Variants in LPAR1 observed in about 807,000 individuals in gnomAD.
LPAR1 encodes the protein LPA receptor 1.
Under a neutral mutation model 23.8 loss-of-function variants are expected in LPAR1, and 5 were observed. The observed-to-expected ratio is 0.21, with a 90% confidence interval of 0.11 to 0.44. The LOEUF (loss-of-function observed/expected upper bound fraction) is 0.44, where lower values mean the gene tolerates loss of function less well. Among genes scored for constraint, LPAR1 ranks in the 20% least tolerant of loss-of-function variants. The pLI, the probability that LPAR1 is intolerant of heterozygous loss-of-function variation, is 0.99. For missense variants in LPAR1, 311 were observed against 482.8 expected, an observed-to-expected ratio of 0.64 and a Z score of 3.33; for synonymous variants, 160 against 164.7, an observed-to-expected ratio of 0.97 and a Z score of 0.22.
rs2091999772 is a variant in LPAR1 at position 110,909,320 on chromosome 9, T to C, written c.793+32101A>G. 2.0e-5 allele frequency among the ~76,000 whole-genome samples: 3 copies of C among 152,062 alleles called. No homozygotes were observed. The South Asian group carries it at 6.2e-4, about 32-fold the overall frequency. On this transcript the variant is annotated intron_variant, in intron 5 of 5. Coordinates refer to ENST00000683809, the MANE Select transcript of LPAR1 (RefSeq NM_001351411.2). ...CGGGTGTTTCAGTAACAGTATAAGT[T>C]ACATGATCCTAGCACCTTCTTGTAC...
At chr9:110,998,533 T>G (rs960909767) in intron 2 of LPAR1, among the ~76,000 whole-genome samples, 4 of 152,120 alleles carry the variant, frequency 2.6e-5, no homozygotes, top group Non-Finnish European at 4.4e-5. Flanking sequence ...ACATTAAAAA[T>G]ACACACACAT....
At chr9:111,012,691 G>C (rs1167807890) in intron 2 of LPAR1, among the ~76,000 whole-genome samples, 1 of 152,078 alleles carries the variant, frequency 6.6e-6, no homozygotes, top group African/African-American at 2.4e-5. Flanking sequence ...GGGGCTGATG[G>C]GGCAAAATAA....
chr9:110,991,624 T>TTGTTGTTGTTG (rs1564275750), intron 2 of LPAR1, among the ~76,000 whole-genome samples: 1 of 148,674 alleles, frequency 6.7e-6, no homozygotes, highest in African/African-American at 2.5e-5. Context: ...TGTTGTTGTT[T>TTGTTGTTGTTG]TTTGGGACAG....
intron 5 of LPAR1, among the ~76,000 whole-genome samples, chr9:110,891,375 T>G (rs2084119475): frequency 6.6e-6 from 1 of 152,192 alleles, no homozygotes; most frequent in Non-Finnish European, 1.5e-5. Flanking sequence ...AAGGGGAAGA[T>G]TCAATACTTT....
At chr9:110,960,706 G>T (rs137938589) in intron 4 of LPAR1, among the ~76,000 whole-genome samples, 5 of 152,268 alleles carry the variant, frequency 3.3e-5, no homozygotes, top group Admixed American at 3.3e-4. Context: ...GAAGAAATGG[G>T]AGGGAATGTT....
chr9:110,888,255 C>T (rs988534961), intron 5 of LPAR1, among the ~76,000 whole-genome samples: 1 of 152,084 alleles, frequency 6.6e-6, no homozygotes, highest in African/African-American at 2.4e-5. Context: ...GTGTCATATT[C>T]GAAGCAAAAG....
chr9:110,899,565 G>T (rs1219466898), intron 5 of LPAR1, among the ~76,000 whole-genome samples: 3 of 152,246 alleles, frequency 2.0e-5, no homozygotes, highest in East Asian at 3.9e-4. Context: ...AAATGATAGG[G>T]AGAGGAAGAA....
At chr9:110,916,822 A>G (rs576561943) in intron 5 of LPAR1, among the ~76,000 whole-genome samples, 1 of 152,298 alleles carries the variant, frequency 6.6e-6, no homozygotes, top group African/African-American at 2.4e-5. Context: ...AACAAAGATA[A>G]TATTTTTTAA....
chr9:110,902,247 T>C (rs555412211), intron 5 of LPAR1, among the ~76,000 whole-genome samples: 27 of 151,912 alleles, frequency 1.8e-4, no homozygotes, highest in African/African-American at 6.3e-4. Flanking sequence ...CCAGGGAAAA[T>C]GGAGCAGGAG....
At chr9:110,949,507 T>G (rs541799658) in intron 4 of LPAR1, among the ~76,000 whole-genome samples, 1 of 152,346 alleles carries the variant, frequency 6.6e-6, no homozygotes. Flanking sequence ...CCTTGATATG[T>G]TTTCTCTCCA....
intron 2 of LPAR1, among the ~76,000 whole-genome samples, chr9:110,983,054 T>G (rs540968590): frequency 1.3e-5 from 2 of 152,224 alleles, no homozygotes; most frequent in South Asian, 4.1e-4. Context: ...AACCCAGCAC[T>G]GCTGGTGGGA....
At chr9:110,939,746 G>C (rs1473230136) in intron 5 of LPAR1, among the ~76,000 whole-genome samples, 3 of 152,148 alleles carry the variant, frequency 2.0e-5, no homozygotes, top group Non-Finnish European at 4.4e-5. Context: ...ACAAGAACTT[G>C]GCAGGTTAAT....
intron 5 of LPAR1, among the ~76,000 whole-genome samples, chr9:110,902,282 T>C (rs902971523): frequency 1.3e-5 from 2 of 152,078 alleles, no homozygotes; most frequent in African/African-American, 4.8e-5. Context: ...TTTGGCTGTG[T>C]CCCCACCCAA....
chr9:111,013,440 T>C (rs1288939410), intron 2 of LPAR1, among the ~76,000 whole-genome samples: 1 of 152,184 alleles, frequency 6.6e-6, no homozygotes, highest in Non-Finnish European at 1.5e-5. Flanking sequence ...CCTGTCCTAA[T>C]TGCCCATTAT....
intron 2 of LPAR1, among the ~76,000 whole-genome samples, chr9:111,026,057 C>A (rs2097685636): frequency 6.6e-6 from 1 of 152,062 alleles, no homozygotes; most frequent in Non-Finnish European, 1.5e-5. Flanking sequence ...TTTTCTAATT[C>A]TGTGAAGAAA....
At chr9:110,882,143 C>T (rs559003953) in intron 5 of LPAR1, among the ~76,000 whole-genome samples, 1 of 152,236 alleles carries the variant, frequency 6.6e-6, no homozygotes, top group Non-Finnish European at 1.5e-5. Flanking sequence ...ATTATCATCA[C>T]ATGCTGATAT....
rs71371696 is a variant in LPAR1 at position 110,929,698 on chromosome 9, A to ATGTGTG, written c.793+11717_793+11722dup. On this transcript the variant is annotated intron_variant, in intron 5 of 5. Transcript: ENST00000683809. ...AAAATGCTGTATTTCCCAGCCAATA[A>ATGTGTG]TGTGTGTGTGTGTGTGTGTGTGTGT... is the stretch of plus-strand genomic sequence containing the variant. Among the ~76,000 whole-genome samples, 805 of 146,332 alleles carry ATGTGTG rather than the reference A, an allele frequency of 5.5e-3. 9 individuals carry two copies. Among genetic ancestry groups the ATGTGTG allele is most frequent in the African/African-American group, 0.018 (725 of 39,320 alleles).
At chr9:110,915,997 G>A (rs913092802) in intron 5 of LPAR1, among the ~76,000 whole-genome samples, 6 of 100,432 alleles carry the variant, frequency 6.0e-5, no homozygotes, top group African/African-American at 1.9e-4. Flanking sequence ...AGTATACAGT[G>A]ATATAACCTT....
chr9:111,026,633 T>C (rs2141325908), intron 2 of LPAR1, among the ~76,000 whole-genome samples: 1 of 152,372 alleles, frequency 6.6e-6, no homozygotes, highest in East Asian at 1.9e-4. Context: ...TTCCAGCTTT[T>C]ACCCATTCAG....
Sources: allele counts gnomAD v4.1 joint callset (sites outside exome capture counted in the v4.1 genomes callset), GRCh38; gene constraint gnomAD v4.1.1; transcripts MANE v1.5; gene names NCBI Gene and HGNC (gene_info 2026-07-23, HGNC 2026-07-21).